NFASC: variants seen among roughly 807,000 people sequenced by gnomAD.
The protein encoded by NFASC is neurofascin.
NFASC carries 43 observed loss-of-function variants against 147.5 expected under a neutral mutation model. The ratio of observed to expected loss-of-function variants is 0.29; its 90% CI spans 0.23 to 0.38. NFASC has a LOEUF of 0.38. Among genes scored for constraint, NFASC ranks in the 10% least tolerant of loss-of-function variants. NFASC has a pLI of 1.00. For missense variants in NFASC, 1,320 were observed against 1,689.0 expected (o/e 0.78, Z 3.83); for synonymous variants, 622 against 665.5 (o/e 0.93, Z 1.01).
At chr1:204,869,429 A>G (rs1412385805) in intron 1 of NFASC, among the ~76,000 whole-genome samples, 1 of 152,216 alleles carries the variant, frequency 6.6e-6, no homozygotes, top group African/African-American at 2.4e-5. Flanking sequence ...AAAGATAGTC[A>G]TTCTTCTCCT....
intron 1 of NFASC, among the ~76,000 whole-genome samples, chr1:204,889,267 A>G (rs554982133): frequency 8.5e-5 from 13 of 152,374 alleles, no homozygotes; most frequent in Non-Finnish European, 1.5e-4. Context: ...AATGAAGTTA[A>G]ACTAATAGCA....
rs1671316711 is a variant in NFASC at position 204,828,758 on chromosome 1, AG to A, written c.-221del. ...GCAGCGGACAGCTCGGACAGCGCCC[AG>A]GGCCGGAGCCCGAGCCCTTGGAGGT... On this transcript the variant is annotated 5_prime_UTR_variant, in exon 1 of 30. It introduces an in-frame stop codon into an upstream open reading frame of the 5' UTR. Coordinates refer to ENST00000339876, the MANE Select transcript of NFASC (RefSeq NM_001005388.3). 2.0e-6 allele frequency: 2 copies of A among 985,516 alleles called. No individual in the cohort carries two copies. Among genetic ancestry groups the A allele is most frequent in the African/African-American group, 3.5e-5 (2 of 57,172 alleles). The allele number at this position is 985,516 out of a possible 1,614,324, so 61.0% of individuals were successfully genotyped here.
chr1:204,968,231 T>A lies in NFASC; in HGVS notation c.707-18T>A. 6.3e-7 allele frequency: 1 copy of A among 1,598,416 alleles called. No individual in the cohort carries two copies. The highest frequency in any genetic ancestry group is 1.1e-5 in the South Asian group (1 of 90,744). ...TTCTGGAAGGAGGCTCATGGGAGTT[T>A]GTTCTCTCCTGTTTCAGCCCGAGGA... On this transcript the variant is annotated intron_variant, in intron 8 of 29. Coordinates refer to ENST00000339876, the MANE Select transcript of NFASC (RefSeq NM_001005388.3). The surrounding 1 kb of genome is among the most constrained non-coding windows in gnomAD (Gnocchi z 5.4).
At chr1:204,966,562 G>T (rs2150200172) in intron 8 of NFASC, among the ~76,000 whole-genome samples, 1 of 152,272 alleles carries the variant, frequency 6.6e-6, no homozygotes, top group Middle Eastern at 3.4e-3. Flanking sequence ...GGCTTCCTTG[G>T]TGCTGAGAAT....
At chr1:205,001,744 A>T (rs1202632324) in intron 26 of NFASC, among the ~76,000 whole-genome samples, 2 of 152,172 alleles carry the variant, frequency 1.3e-5, no homozygotes, top group Non-Finnish European at 2.9e-5. Context: ...GACCAGAGCC[A>T]TTTGTCCCAG....
rs961567614 is a variant in NFASC at position 204,987,838 on chromosome 1, C to T, written c.2593+298C>T. Among the ~76,000 whole-genome samples, 3 of 152,224 alleles carry T rather than the reference C, an allele frequency of 2.0e-5. No individual in the cohort carries two copies. Among genetic ancestry groups the T allele is most frequent in the Non-Finnish European group, 2.9e-5 (2 of 68,048 alleles). ...TAGGGATCTTTTGTAGTCTCCAACACGTACAGAGTCTAGGAGAGAGAGTTC... is the reference window on the plus strand; with the variant it reads ...TAGGGATCTTTTGTAGTCTCCAACATGTACAGAGTCTAGGAGAGAGAGTTC... On this transcript the variant is annotated intron_variant, in intron 22 of 29. Coordinates refer to ENST00000339876, the MANE Select transcript of NFASC (RefSeq NM_001005388.3). The surrounding 1 kb of genome is among the most constrained non-coding windows in gnomAD (Gnocchi z 4.4).
At position 204,934,112 on chromosome 1, in the gene NFASC, C is replaced by T. The variant is rs1020715912; in HGVS notation, c.-90-10114C>T. The stretch of plus-strand genomic sequence containing the variant: ...GAGATCACGCTATTGCACTCCACCC[C>T]GGGCGACAGAGTGAGACTCCATTTC... On this transcript the variant is annotated intron_variant, in intron 2 of 29. Transcript: ENST00000339876. Among the ~76,000 whole-genome samples the T allele has an allele frequency of 5.2e-5, 7 of 134,892 alleles. 1 individual carries two copies. The South Asian group carries it at 7.5e-4, about 15-fold the overall frequency. The allele number at this position is 134,892 out of a possible 152,430, so 88.5% of individuals were successfully genotyped here. A position where few individuals can be genotyped will look rare whatever the true frequency, so the allele number is the denominator to read the frequency against.
At chr1:204,901,286 C>T (rs2084519833) in intron 1 of NFASC, among the ~76,000 whole-genome samples, 1 of 152,020 alleles carries the variant, frequency 6.6e-6, no homozygotes, top group South Asian at 2.1e-4. Context: ...ACTGTGAGTC[C>T]AGATAAGATC....
chr1:204,916,017 G>A (rs965931129), intron 1 of NFASC, among the ~76,000 whole-genome samples: 4 of 152,314 alleles, frequency 2.6e-5, no homozygotes, highest in African/African-American at 9.6e-5. Flanking sequence ...TCCTGCCTTT[G>A]TTGCTGGGGA....
At chr1:204,874,655 C>A (rs1211610839) in intron 1 of NFASC, among the ~76,000 whole-genome samples, 1 of 152,208 alleles carries the variant, frequency 6.6e-6, no homozygotes, top group Non-Finnish European at 1.5e-5. Context: ...GCCCTTCTAC[C>A]CTCCCCACCT....
intron 1 of NFASC, among the ~76,000 whole-genome samples, chr1:204,877,851 G>A (rs1488642204): frequency 6.6e-6 from 1 of 152,140 alleles, no homozygotes; most frequent in Non-Finnish European, 1.5e-5. Flanking sequence ...GGTTCAACCT[G>A]CCCTCGCACC....
chr1:204,877,039 A>ATATATAATATATATT (rs2079083099), intron 1 of NFASC, among the ~76,000 whole-genome samples: 1 of 100,558 alleles, frequency 9.9e-6, no homozygotes, highest in African/African-American at 6.2e-5. Context: ...ATATATATTT[A>ATATATAATATATATT]TATATATATA....
rs558493188 is a variant in NFASC, at chr1:204,845,068, C to T, written c.-200+16286C>T. Among the ~76,000 whole-genome samples, 18 of 152,214 alleles carry T rather than the reference C, an allele frequency of 1.2e-4. No individual in the cohort carries two copies. The South Asian group carries it at 2.5e-3, about 21-fold the overall frequency. ...TTGGTAGTTACCCAAGGGACTTTCC[C>T]CCTACTTCCCTCTGTGCCCGAGCTG... On this transcript the variant is annotated intron_variant, in intron 1 of 29. Coordinates refer to ENST00000339876, the MANE Select transcript of NFASC (RefSeq NM_001005388.3).
intron 10 of NFASC, among the ~76,000 whole-genome samples, 161 bp downstream of exon 10, chr1:204,969,143 C>A (rs749158701): frequency 6.6e-5 from 10 of 152,076 alleles, no homozygotes; most frequent in African/African-American, 9.7e-5. Context: ...ACTCGCTGGA[C>A]GTGAGAGGGT....
At chr1:204,831,350 G>A (rs944068885) in intron 1 of NFASC, among the ~76,000 whole-genome samples, 3 of 150,878 alleles carry the variant, frequency 2.0e-5, no homozygotes, top group African/African-American at 7.3e-5. Flanking sequence ...GGGCTGAACT[G>A]GCTGCGCTCA....
intron 1 of NFASC, among the ~76,000 whole-genome samples, chr1:204,912,581 T>C (rs1468161766): frequency 1.3e-5 from 2 of 152,060 alleles, no homozygotes; most frequent in Non-Finnish European, 2.9e-5. Flanking sequence ...CAAGCATCTG[T>C]GGTCCCAGCT....
chr1:204,831,751 C>G (rs894213186), intron 1 of NFASC, among the ~76,000 whole-genome samples: 1 of 151,920 alleles, frequency 6.6e-6, no homozygotes, highest in Admixed American at 6.6e-5. Flanking sequence ...AACGTAAGGC[C>G]GGTTTCATAC....
At chr1:204,835,362 A>G (rs77120334) in intron 1 of NFASC, among the ~76,000 whole-genome samples, 36,130 of 151,386 alleles carry the variant, frequency 0.24, 6,788 homozygotes, top group East Asian at 0.74. Context: ...CAAGTAGCTG[A>G]GACTACAGGC....
intron 2 of NFASC, among the ~76,000 whole-genome samples, chr1:204,934,955 A>G (rs764983721): frequency 1.1e-4 from 16 of 152,242 alleles, no homozygotes; most frequent in Non-Finnish European, 2.2e-4. Flanking sequence ...TGTGTGCTGG[A>G]CGTTGTGCAG....
Sources: gnomAD v4.1 joint callset for allele counts (sites outside exome capture counted in the v4.1 genomes callset) on GRCh38, gnomAD v4.1.1 for gene constraint, Gnocchi (gnomAD v3.1) non-coding constraint, MANE v1.5 for transcripts, NCBI Gene and HGNC (gene_info 2026-07-23, HGNC 2026-07-21) for gene names.